Variants in PSME4 observed in about 807,000 individuals in gnomAD.
PSME4 encodes the protein proteasome activator subunit 4.
In PSME4, 89 loss-of-function variants were observed where a neutral mutation model predicts 253.9. The observed-to-expected ratio is 0.35, with a 90% CI of 0.30 to 0.42. PSME4 has a LOEUF of 0.42. Among genes scored for constraint, PSME4 ranks in the 10% least tolerant of loss-of-function variants. PSME4 has a pLI of 1.00. For synonymous variants in PSME4, 851 were observed against 759.2 expected, an observed-to-expected ratio of 1.12 and a Z score of -1.99; for missense variants, 2,014 against 2,195.2, an observed-to-expected ratio of 0.92 and a Z score of 1.65.
At chr2:53,904,910 C>A (rs115309750) in intron 26 of PSME4, among the ~76,000 whole-genome samples, 517 of 152,058 alleles carry the variant, frequency 3.4e-3, no homozygotes, top group African/African-American at 0.012. Flanking sequence ...ATTGCTGGAA[C>A]TCAGGCGGCG....
At chr2:53,963,728 C>A (rs575860423) in intron 1 of PSME4, among the ~76,000 whole-genome samples, 11 of 152,236 alleles carry the variant, frequency 7.2e-5, no homozygotes, top group African/African-American at 2.6e-4. Flanking sequence ...AATGGAAACT[C>A]AGAAGTAAAA....
chr2:53,923,546 T>C (rs1341001700), intron 14 of PSME4, 127 bp from the exon 15 acceptor site: 4 of 1,229,838 alleles, frequency 3.3e-6, no homozygotes, highest in Non-Finnish European at 3.3e-6. Context: ...TTTTTAACCA[T>C]CTGATTTTAT....
In PSME4 at chr2:53,930,698, G is replaced by C. The variant is rs150789851; in HGVS notation, c.1316+1137C>G. On this transcript the variant is annotated intron_variant, in intron 10 of 46. Coordinates refer to ENST00000404125, the MANE Select transcript of PSME4 (RefSeq NM_014614.3). ...GGAGGCCCATTTTGGTTAAGATCTTGAACACGGTATCCTTCCCCAAGTAAA... is the reference window on the plus strand; with the variant it reads ...GGAGGCCCATTTTGGTTAAGATCTTCAACACGGTATCCTTCCCCAAGTAAA... 8.5e-5 allele frequency among the ~76,000 whole-genome samples: 13 copies of C among 152,286 alleles called. No homozygotes were observed. In the East Asian group the frequency reaches 2.5e-3, roughly 29 times the overall value.
At chr2:53,956,428 G>A (rs74813868) in intron 1 of PSME4, among the ~76,000 whole-genome samples, 34 of 151,794 alleles carry the variant, frequency 2.2e-4, no homozygotes, top group Non-Finnish European at 4.7e-4. Flanking sequence ...TACTCGGGGG[G>A]CTGAGGCAGG....
chr2:53,925,185 G>C lies in PSME4; in HGVS notation c.1809+354C>G, dbSNP rs1427516019. ...AAGAAGCAAAAAAATGTAAAAAAGTGGCATTAAATAGATCGCAAAGGGGAC... is the reference window on the plus strand; with the variant it reads ...AAGAAGCAAAAAAATGTAAAAAAGTCGCATTAAATAGATCGCAAAGGGGAC... On this transcript the variant is annotated intron_variant, in intron 14 of 46. Transcript: ENST00000404125. 2.6e-5 allele frequency among the ~76,000 whole-genome samples: 4 copies of C among 152,272 alleles called. No homozygotes were observed. In the East Asian group the frequency reaches 7.7e-4, roughly 29 times the overall value.
chr2:53,953,487 TAAAAAA>T (rs67192995), intron 1 of PSME4, among the ~76,000 whole-genome samples: 2 of 123,036 alleles, frequency 1.6e-5, no homozygotes, highest in African/African-American at 3.0e-5. Flanking sequence ...CCATGTCTAT[TAAAAAA>T]AAAAAAAAAA....
In PSME4 at chr2:53,940,958, TATATATATATATATATATATATATATATA is replaced by T. The variant is rs1669399933; in HGVS notation, c.501-987_501-959del. On this transcript the variant is annotated intron_variant, in intron 3 of 46. Transcript: ENST00000404125. ...ATATATAAATATATATATACATATATATATATATATATATATATATATATATATATATATATATATATGAAAGGAGTAAG... is the reference window on the plus strand; with the variant it reads ...ATATATAAATATATATATACATATATTATATATATATATGAAAGGAGTAAG... Among the ~76,000 whole-genome samples, 6 of 49,614 alleles carry T rather than the reference TATATATATATATATATATATATATATATA, an allele frequency of 1.2e-4. 1 individual carries two copies. The highest frequency in any genetic ancestry group is 2.5e-4 in the Admixed American group (1 of 3,988). The allele number at this position is 49,614 out of a possible 152,430, so 32.5% of individuals were successfully genotyped here. A position where few individuals can be genotyped will look rare whatever the true frequency, so the allele number is the denominator to read the frequency against.
intron 33 of PSME4, 52 bp from the exon 34 acceptor site, chr2:53,895,128 C>T (rs757910194): frequency 2.0e-6 from 3 of 1,497,018 alleles, no homozygotes; most frequent in Non-Finnish European, 2.7e-6. Flanking sequence ...AATATTAGAG[C>T]TTCATGGATA....
In PSME4 at chr2:53,949,229, A is replaced by G; in HGVS notation, c.297T>C (p.Ile99=). 6.2e-7 allele frequency: 1 copy of G among 1,610,798 alleles called. No individual in the cohort carries two copies. Reference sequence around the variant, plus strand: ...TTGATACCAGCTCATACAATAACTTAATAAAAAGAACATGATCTTCTTTGC... The same window carrying G: ...TTGATACCAGCTCATACAATAACTTGATAAAAAGAACATGATCTTCTTTGC... ...KFSKEDHVLF[I]KLLYELVSIP... The change falls in exon 2 of 47, where the codon ATT becomes ATC. Residue 99 remains isoleucine, a synonymous_variant. Transcript: ENST00000404125.
intron 41 of PSME4, among the ~76,000 whole-genome samples, chr2:53,877,645 G>T (rs1184335759): frequency 6.6e-6 from 1 of 152,150 alleles, no homozygotes; most frequent in African/African-American, 2.4e-5. Context: ...GATACCAAGG[G>T]TGGGGGATTC....
At chr2:53,956,953 A>G (rs1448695872) in intron 1 of PSME4, among the ~76,000 whole-genome samples, 2 of 152,202 alleles carry the variant, frequency 1.3e-5, no homozygotes, top group Non-Finnish European at 2.9e-5. Flanking sequence ...GGTGTGAATC[A>G]AGGTAATTGC....
intron 44 of PSME4, 133 bp from the exon 45 acceptor site, chr2:53,867,013 T>A (rs1678598277): frequency 1.2e-6 from 1 of 823,106 alleles, no homozygotes; most frequent in Non-Finnish European, 1.9e-6. Context: ...AATCTACATG[T>A]AAACACATCA....
intron 44 of PSME4, among the ~76,000 whole-genome samples, chr2:53,869,007 T>C (rs1449604197): frequency 6.6e-6 from 1 of 152,188 alleles, no homozygotes; most frequent in African/African-American, 2.4e-5. Flanking sequence ...CAAGGCTTGC[T>C]TTAGTTTTTT....
rs1002801010 is a variant in PSME4, at chr2:53,919,196, G to T, written c.2471C>A (p.Ser824Tyr). 6.2e-7 allele frequency: 1 copy of T among 1,611,072 alleles called. No homozygotes were observed. Among genetic ancestry groups the T allele is most frequent in the Non-Finnish European group, 8.5e-7 (1 of 1,178,918 alleles). ...LTIVHNCLIG[S>Y]GNLLPPLKGE... is the part of the protein sequence containing the mutation. Reference sequence around the variant, plus strand: ...TTTCAACGGAGGTAGGAGGTTTCCAGAGCCAATTAAACAGTTGTGCACTAT... The same window carrying T: ...TTTCAACGGAGGTAGGAGGTTTCCATAGCCAATTAAACAGTTGTGCACTAT... Residue 824 changes from serine to tyrosine, a missense_variant, in exon 20 of 47, where the codon TCT (serine) becomes TAT (tyrosine). Coordinates refer to ENST00000404125, the MANE Select transcript of PSME4 (RefSeq NM_014614.3).
chr2:53,970,712 C>A lies in PSME4; in HGVS notation c.73G>T (p.Gly25Cys), dbSNP rs1318087683. ...ACGATCTCCTTCTGCGGGACGAAGCCCCGCGGGCCCGGCTCGGGACGCCCG... is the reference window on the plus strand; with the variant it reads ...ACGATCTCCTTCTGCGGGACGAAGCACCGCGGGCCCGGCTCGGGACGCCCG... ...PGGRPEPGPR[G>C]FVPQKEIVYN... Residue 25 changes from glycine to cysteine, a missense_variant, in exon 1 of 47, where the codon GGC becomes TGC. By Grantham distance (159) the Gly-to-Cys change is radical. Coordinates refer to ENST00000404125, the MANE Select transcript of PSME4 (RefSeq NM_014614.3). 6.5e-6 allele frequency: 10 copies of A among 1,548,398 alleles called. No individual in the cohort carries two copies. Among genetic ancestry groups the A allele is most frequent in the Non-Finnish European group, 7.9e-6 (9 of 1,146,300 alleles).
chr2:53,879,210 A>G (rs962908215), intron 41 of PSME4, among the ~76,000 whole-genome samples: 3 of 151,338 alleles, frequency 2.0e-5, no homozygotes, highest in African/African-American at 7.3e-5. Flanking sequence ...AACATATGAA[A>G]TGTCTACACA....
intron 1 of PSME4, among the ~76,000 whole-genome samples, chr2:53,959,328 G>A (rs1485540814): frequency 6.6e-6 from 1 of 151,994 alleles, no homozygotes; most frequent in African/African-American, 2.4e-5. Context: ...CCATGCCACT[G>A]TACTACAGCC....
intron 1 of PSME4, among the ~76,000 whole-genome samples, chr2:53,966,967 G>A (rs1040067482): frequency 1.3e-5 from 2 of 152,058 alleles, no homozygotes; most frequent in Admixed American, 1.3e-4. Context: ...CAAAGTGCTG[G>A]GATTACAGGC....
intron 1 of PSME4, among the ~76,000 whole-genome samples, chr2:53,953,490 A>T (rs1181769619): frequency 2.0e-5 from 1 of 49,710 alleles, no homozygotes; most frequent in Non-Finnish European, 4.0e-5. Context: ...TGTCTATTAA[A>T]AAAAAAAAAA....
Sources: allele counts gnomAD v4.1 joint callset (sites outside exome capture counted in the v4.1 genomes callset), GRCh38; gene constraint gnomAD v4.1.1; transcripts MANE v1.5; gene names NCBI Gene and HGNC (gene_info 2026-07-23, HGNC 2026-07-21).